Variants in MIB2 observed in about 807,000 individuals in gnomAD.
The protein encoded by MIB2 is E3 ubiquitin-protein ligase MIB2.
Under a neutral mutation model 96.6 loss-of-function variants are expected in MIB2, and 78 were observed. The ratio of observed to expected loss-of-function variants is 0.81; its 90% CI spans 0.67 to 0.97. The LOEUF (loss-of-function observed/expected upper bound fraction) is 0.97. MIB2 is among the 50% of genes least tolerant of loss of function. The pLI is 0.00. For synonymous variants in MIB2, 820 were observed against 629.5 expected (o/e 1.30, Z -4.53); for missense variants, 1,543 against 1,424.0 (o/e 1.08, Z -1.35).
intron 1 of MIB2, 164 bp from the exon 2 acceptor site, chr1:1,616,344 C>G: frequency 1.9e-6 from 1 of 532,020 alleles, no homozygotes; most frequent in Non-Finnish European, 3.1e-6. Context: ...GGCTCCTGCG[C>G]GCTCAGACCC....
chr1:1,616,231 C>T (rs983789466), intron 1 of MIB2: 3 of 507,822 alleles, frequency 5.9e-6, no homozygotes, highest in African/African-American at 4.1e-5. Flanking sequence ...CTGGCCCGCC[C>T]GTTCCCCTGC....
In MIB2 at chr1:1,630,457, C is replaced by T; in HGVS notation, c.2795C>T (p.Pro932Leu). 3.8e-6 allele frequency: 6 copies of T among 1,593,680 alleles called. No homozygotes were observed. The highest frequency in any genetic ancestry group is 5.1e-6 in the Non-Finnish European group (6 of 1,173,428). Reference sequence around the variant, plus strand: ...CAGTGCGGCCACGGCGCATGCGCCCCCTGCGGCTCCGCGCTCAGCGCCTGC... The same window carrying T: ...CAGTGCGGCCACGGCGCATGCGCCCTCTGCGGCTCCGCGCTCAGCGCCTGC... ...VFQCGHGACA[P>L]CGSALSACPI... is the part of the protein sequence containing the mutation. Residue 932 changes from proline (P) to leucine (L), a missense_variant, in exon 20 of 20, where the codon CCC (proline) becomes CTC (leucine). Transcript: ENST00000355826.
chr1:1,627,751 A>T lies in MIB2; in HGVS notation c.1602A>T (p.Ala534=). 1 of 1,597,008 alleles carries T rather than the reference A, an allele frequency of 6.3e-7. No individual in the cohort carries two copies. ...CCATCAACAGCACCCAGAGCACAGC[A>T]CTGCACGTGGCCGTGCAGAGGGGCT... ...ADAINSTQST[A]LHVAVQRGFL... Residue 534 remains alanine, a synonymous_variant, in exon 13 of 20, where the codon GCA becomes GCT. Transcript: ENST00000355826.
chr1:1,629,838 A>C, intron 19 of MIB2, 134 bp downstream of exon 19: 2 of 941,860 alleles, frequency 2.1e-6, no homozygotes, highest in South Asian at 1.9e-5. Flanking sequence ...CCCAAGGCTC[A>C]CACCCGGCCC....
chr1:1,622,710 C>T (rs1300881457), intron 2 of MIB2, among the ~76,000 whole-genome samples: 1 of 152,200 alleles, frequency 6.6e-6, no homozygotes, highest in Non-Finnish European at 1.5e-5. Flanking sequence ...GAGTATCCGG[C>T]CTCTGTCGTG....
intron 17 of MIB2, 30 bp from the exon 18 acceptor site, chr1:1,629,354 GC>G (rs776586231): frequency 6.9e-7 from 1 of 1,439,868 alleles, no homozygotes; most frequent in South Asian, 1.5e-5. Flanking sequence ...CGGCCTCCGG[GC>G]CCCTCTCAAG....
chr1:1,629,234 C>G lies in MIB2; in HGVS notation c.2304C>G (p.His768Gln), dbSNP rs528001471. Residue 768 changes from histidine to glutamine, a missense_variant, in exon 17 of 20, where the codon CAC (histidine) becomes CAG (glutamine). By Grantham distance (24) the His-to-Gln change is conservative (BLOSUM62 0). Coordinates refer to ENST00000355826, the MANE Select transcript of MIB2 (RefSeq NM_001170687.4). ...LEGADVSYTN[H>Q]RGRSPLDLAA... Reference sequence around the variant, plus strand: ...GCGCCGACGTGAGCTACACCAACCACCGCGGTCGGAGCCCGCTGGACCTGG... The same window carrying G: ...GCGCCGACGTGAGCTACACCAACCAGCGCGGTCGGAGCCCGCTGGACCTGG... The G allele has an allele frequency of 1.3e-6, 2 of 1,544,540 alleles. No homozygotes were observed. The highest frequency in any genetic ancestry group is 1.4e-5 in the African/African-American group (1 of 70,354).
In MIB2 at chr1:1,625,635, C is replaced by A; in HGVS notation, c.954C>A (p.His318Gln). The change falls in exon 8 of 20, where the codon CAC becomes CAA. Residue 318 changes from histidine (H) to glutamine (Q), a missense_variant. By Grantham distance (24) the His-to-Gln change is conservative. Transcript: ENST00000355826. This position sits in a 1 kb window ranked among gnomAD's most constrained non-coding sequence, Gnocchi z 5.0. ...ACCACGAGACGCGCTGGACCTTCCA[C>A]CCCGGGGCGCTCACCAAGGTGCCGG... is the stretch of plus-strand genomic sequence containing the variant. The part of the protein sequence containing the change: ...QFNHETRWTF[H>Q]PGALTKHHSF... 6.4e-7 allele frequency: 1 copy of A among 1,562,898 alleles called. No individual in the cohort carries two copies. The highest frequency in any genetic ancestry group is 8.7e-7 in the Non-Finnish European group (1 of 1,153,840).
At chr1:1,620,279 A>G (rs1011845043) in intron 2 of MIB2, among the ~76,000 whole-genome samples, 5 of 152,078 alleles carry the variant, frequency 3.3e-5, no homozygotes, top group Non-Finnish European at 5.9e-5. Context: ...CTGCAGAAGG[A>G]TCACAGTGTG....
In MIB2 at chr1:1,627,757, C is replaced by T. The variant is rs776746628; in HGVS notation, c.1608C>T (p.His536=). 4.0e-5 allele frequency: 64 copies of T among 1,597,146 alleles called. No individual in the cohort carries two copies. The highest frequency in any genetic ancestry group is 2.7e-4 in the Admixed American group (16 of 59,750). ...ACAGCACCCAGAGCACAGCACTGCA[C>T]GTGGCCGTGCAGAGGGGCTTCCTGG... is the stretch of plus-strand genomic sequence containing the variant. ...AINSTQSTAL[H]VAVQRGFLEV... is the part of the protein sequence containing the mutation. The change falls in exon 13 of 20, where the codon CAC becomes CAT. Residue 536 remains histidine (H), a synonymous_variant. Coordinates refer to ENST00000355826, the MANE Select transcript of MIB2 (RefSeq NM_001170687.4).
chr1:1,628,963 C>A, intron 16 of MIB2, 170 bp from the exon 17 acceptor site: 1 of 759,874 alleles, frequency 1.3e-6, no homozygotes. Context: ...TCTCAGAGCT[C>A]ACCTAGCAGG....
Position 1,627,433 on chromosome 1 carries a change from C to G in MIB2, c.1512C>G (p.Tyr504Ter). ...ACGAGGGCAACACGGCACTGCACTA[C>G]GCGGCCCTGGGGTGAGGCCTGGGAG... ...PDDEGNTALH[Y>*]AALGNQPEAT... Residue 504 changes from tyrosine to a stop codon, truncating the protein, a stop_gained, in exon 12 of 20, where the codon TAC becomes TAG. Coordinates refer to ENST00000355826, the MANE Select transcript of MIB2 (RefSeq NM_001170687.4). LOFTEE classifies it high-confidence loss of function. 6.2e-7 allele frequency: 1 copy of G among 1,611,728 alleles called. No individual in the cohort carries two copies. The highest frequency in any genetic ancestry group is 8.5e-7 in the Non-Finnish European group (1 of 1,179,380).
chr1:1,630,318 C>G lies in MIB2; in HGVS notation c.2656C>G (p.Pro886Ala). The G allele has an allele frequency of 6.5e-7, 1 of 1,530,830 alleles. No individual in the cohort carries two copies. The allele number at this position is 1,530,830 out of a possible 1,614,324, so 94.8% of individuals were successfully genotyped here. Residue 886 changes from proline to alanine, a missense_variant, in exon 20 of 20, where the codon CCC becomes GCC. Physicochemically the swap from Pro to Ala is conservative, Grantham distance 27. Coordinates refer to ENST00000355826, the MANE Select transcript of MIB2 (RefSeq NM_001170687.4). The part of the protein sequence containing the change: ...PDGSEVASAA[P>A]APGPPRQLVE... The stretch of plus-strand genomic sequence containing the variant: ...CGGCTCTGAGGTGGCGAGCGCCGCC[C>G]CCGCCCCCGGCCCGCCGCGCCAGCT...
rs905938553 is a variant in MIB2, at chr1:1,628,725, G to A, written c.2202+3G>A. 14 of 1,530,528 alleles carry A rather than the reference G, an allele frequency of 9.1e-6. No individual in the cohort carries two copies. The highest frequency in any genetic ancestry group is 1.2e-5 in the Non-Finnish European group (14 of 1,136,568). 94.8% of individuals were successfully genotyped at this position (1,530,528 alleles called of 1,614,324 possible). ...GGCCCTTGCAGCTGCTGTCCAGGGT[G>A]AGGAAGTGTGGCGTGGGGTGCTGGA... On this transcript the variant is annotated splice_donor_region_variant and intron_variant, in intron 16 of 19. Coordinates refer to ENST00000355826, the MANE Select transcript of MIB2 (RefSeq NM_001170687.4).
At chr1:1,615,439 C>G (rs910621115), upstream of MIB2, 7 of 1,503,554 alleles carry the variant, frequency 4.7e-6, no homozygotes, top group Admixed American at 1.5e-4. Context: ...CCCTGCCCAT[C>G]CCCGTGGCGG....
rs752920379 is a variant in MIB2 at position 1,627,296 on chromosome 1, G to A, written c.1375G>A (p.Val459Met). The A allele has an allele frequency of 6.2e-7, 1 of 1,613,248 alleles. No individual in the cohort carries two copies. Residue 459 changes from valine to methionine, a missense_variant and splice_region_variant, in exon 12 of 20, where the codon GTG becomes ATG. Val to Met is a conservative substitution (Grantham distance 21). Transcript: ENST00000355826. Reference protein sequence around the residue: ...LDLLRRRPEQVDTKNQGRTAL... With the variant: ...LDLLRRRPEQMDTKNQGRTAL... ...ACTCACCTGCTGGCACTCTTGGCAGGTGGACACCAAGAACCAAGGCAGGAC... is the reference window on the plus strand; with the variant it reads ...ACTCACCTGCTGGCACTCTTGGCAGATGGACACCAAGAACCAAGGCAGGAC...
chr1:1,629,075 C>G, intron 16 of MIB2, 58 bp from the exon 17 acceptor site: 1 of 1,373,424 alleles, frequency 7.3e-7, no homozygotes, highest in Non-Finnish European at 9.4e-7. Context: ...TGCCAGGAGA[C>G]GCCTCCCTCG....
At chr1:1,624,600 A>G (rs1368037079) in intron 4 of MIB2, 195 bp from the exon 5 acceptor site, 1 of 653,700 alleles carries the variant, frequency 1.5e-6, no homozygotes, top group African/African-American at 1.8e-5. Context: ...CCCTGAGCCC[A>G]GGGGCATTTC....
intron 2 of MIB2, among the ~76,000 whole-genome samples, chr1:1,621,542 C>T (rs1325827110): frequency 2.0e-5 from 3 of 150,270 alleles, no homozygotes; most frequent in East Asian, 1.9e-4. Flanking sequence ...CAGCGTCACC[C>T]GACAGGTGAG....
Sources: allele counts gnomAD v4.1 joint callset (sites outside exome capture counted in the v4.1 genomes callset), GRCh38; gene constraint gnomAD v4.1.1; non-coding constraint Gnocchi (gnomAD v3.1); transcripts MANE v1.5; gene names NCBI Gene and HGNC (gene_info 2026-07-23, HGNC 2026-07-21).